COL25A1: variants seen among roughly 807,000 people sequenced by gnomAD.
COL25A1 encodes the protein collagen alpha-1(XXV) chain.
A neutral mutation model predicts 128.4 loss-of-function variants in COL25A1; 103 were observed. That is an observed-to-expected ratio of 0.80 (90% CI 0.68 to 0.94). The LOEUF (loss-of-function observed/expected upper bound fraction) is 0.94, where lower values mean the gene tolerates loss of function less well. COL25A1 is among the 40% of genes least tolerant of loss of function. The probability of loss-of-function intolerance (pLI) is 0.00; values close to 1 mark genes in which losing one functional copy is unlikely to be tolerated. For synonymous variants in COL25A1, 279 were observed against 277.2 expected, an observed-to-expected ratio of 1.01 and a Z score of -0.06; for missense variants, 745 against 840.0, an observed-to-expected ratio of 0.89 and a Z score of 1.40.
intron 3 of COL25A1, among the ~76,000 whole-genome samples, chr4:109,237,590 T>C (rs564533779): frequency 9.6e-6 from 1 of 104,300 alleles, no homozygotes; most frequent in Non-Finnish European, 1.9e-5. Context: ...GCACAGAATG[T>C]ATACTGGTAA....
intron 3 of COL25A1, among the ~76,000 whole-genome samples, chr4:109,138,232 T>C (rs1483833478): frequency 6.6e-6 from 1 of 152,102 alleles, no homozygotes; most frequent in African/African-American, 2.4e-5. Flanking sequence ...TGAGAACACT[T>C]GGTGTTTGGT....
intron 3 of COL25A1, among the ~76,000 whole-genome samples, chr4:109,184,911 T>C (rs1248573378): frequency 1.3e-5 from 2 of 152,164 alleles, no homozygotes; most frequent in African/African-American, 2.4e-5. Context: ...TTAGTAGAGA[T>C]TAAATCTTTC....
At chr4:108,905,908 G>C (rs1743451645) in intron 13 of COL25A1, among the ~76,000 whole-genome samples, 1 of 152,000 alleles carries the variant, frequency 6.6e-6, no homozygotes, top group African/African-American at 2.4e-5. Flanking sequence ...GCTCGGGACA[G>C]AGTGGCTTTT....
intron 11 of COL25A1, among the ~76,000 whole-genome samples, chr4:108,921,263 T>C (rs1021833254): frequency 6.6e-6 from 1 of 152,188 alleles, no homozygotes; most frequent in Non-Finnish European, 1.5e-5. Flanking sequence ...AGAATATTTA[T>C]ACAGCATGGA....
At chr4:109,220,453 C>T (rs1197609690) in intron 3 of COL25A1, among the ~76,000 whole-genome samples, 7 of 152,068 alleles carry the variant, frequency 4.6e-5, no homozygotes, top group Non-Finnish European at 1.5e-5. Flanking sequence ...GGTTTTACAC[C>T]AGACACACTG....
chr4:109,069,290 C>T (rs1276523932), intron 3 of COL25A1, among the ~76,000 whole-genome samples: 1 of 151,676 alleles, frequency 6.6e-6, no homozygotes, highest in East Asian at 1.9e-4. Context: ...TGGCTCACTG[C>T]AGCCTCGACC....
chr4:109,014,196 A>G (rs578205933), intron 5 of COL25A1, among the ~76,000 whole-genome samples: 9 of 151,994 alleles, frequency 5.9e-5, no homozygotes, highest in Non-Finnish European at 1.3e-4. Flanking sequence ...AATTCCACCT[A>G]CTTGGGAGGC....
At chr4:109,133,033 A>G (rs2126071706) in intron 3 of COL25A1, among the ~76,000 whole-genome samples, 1 of 152,188 alleles carries the variant, frequency 6.6e-6, no homozygotes, top group South Asian at 2.1e-4. Flanking sequence ...ATTCTTGTTT[A>G]GAGAAAAAGT....
intron 3 of COL25A1, among the ~76,000 whole-genome samples, chr4:109,179,010 T>C (rs574742925): frequency 6.6e-6 from 1 of 152,210 alleles, no homozygotes; most frequent in South Asian, 2.1e-4. Context: ...TATATTCATT[T>C]AAGCAAATGT....
At chr4:108,954,615 A>C (rs6819658) in intron 8 of COL25A1, among the ~76,000 whole-genome samples, 6,624 of 152,094 alleles carry the variant, frequency 0.044, 368 homozygotes, top group African/African-American at 0.13. Flanking sequence ...CCTTAGGTGC[A>C]ATTTTGAATA....
intron 5 of COL25A1, among the ~76,000 whole-genome samples, chr4:109,022,860 C>T (rs1317838935): frequency 1.3e-5 from 2 of 152,140 alleles, no homozygotes; most frequent in Non-Finnish European, 2.9e-5. Context: ...TGGGGTGTTA[C>T]AGGAAAGGCT....
At chr4:109,152,284 C>T (rs1771578513) in intron 3 of COL25A1, among the ~76,000 whole-genome samples, 1 of 151,998 alleles carries the variant, frequency 6.6e-6, no homozygotes, top group Non-Finnish European at 1.5e-5. Flanking sequence ...AAGTGGAGTT[C>T]AAAAATTATA....
intron 3 of COL25A1, among the ~76,000 whole-genome samples, chr4:109,249,305 A>G (rs959707503): frequency 2.6e-5 from 4 of 152,138 alleles, no homozygotes; most frequent in African/African-American, 7.2e-5. Context: ...TGAAGCCAAG[A>G]TTCATGTGAT....
At chr4:109,137,335 A>T (rs971661013) in intron 3 of COL25A1, among the ~76,000 whole-genome samples, 1 of 152,224 alleles carries the variant, frequency 6.6e-6, no homozygotes, top group Non-Finnish European at 1.5e-5. Context: ...AGCAAACAAC[A>T]CTTTCTGCTA....
intron 11 of COL25A1, among the ~76,000 whole-genome samples, chr4:108,925,342 T>C (rs1182941793): frequency 6.6e-6 from 1 of 151,896 alleles, no homozygotes; most frequent in East Asian, 1.9e-4. Context: ...ATAGTTTAAA[T>C]TGTGTGTGTG....
chr4:109,012,311 C>T (rs1579077316), intron 5 of COL25A1, among the ~76,000 whole-genome samples: 1 of 152,240 alleles, frequency 6.6e-6, no homozygotes, highest in Admixed American at 6.5e-5. Flanking sequence ...TGAGAGGTGA[C>T]AACGTGCTAG....
At position 109,033,061 on chromosome 4, in the gene COL25A1, C is replaced by T. The variant is rs190624709; in HGVS notation, c.420+15107G>A. 2.4e-3 allele frequency among the ~76,000 whole-genome samples: 367 copies of T among 152,326 alleles called. 1 individual carries two copies. Among genetic ancestry groups the T allele is most frequent in the Non-Finnish European group, 3.1e-3 (212 of 68,030 alleles). ...ATAAAGGATGGAAAGCCAGTATGAA[C>T]CTTCAGAAATAAAGTCTGCTAAAGC... On this transcript the variant is annotated intron_variant, in intron 5 of 37. Coordinates refer to ENST00000399132, the MANE Select transcript of COL25A1 (RefSeq NM_198721.4).
At chr4:108,847,565 G>A (rs1735258652) in intron 27 of COL25A1, among the ~76,000 whole-genome samples, 3 of 151,396 alleles carry the variant, frequency 2.0e-5, no homozygotes, top group African/African-American at 7.3e-5. Flanking sequence ...CTTAGTGATA[G>A]AAGAAGACCT....
intron 13 of COL25A1, among the ~76,000 whole-genome samples, chr4:108,914,373 G>C (rs1345996499): frequency 6.6e-6 from 1 of 152,158 alleles, no homozygotes; most frequent in African/African-American, 2.4e-5. Flanking sequence ...AGAGTGTTCT[G>C]ATGCCAGGAC....
Sources: gnomAD v4.1 joint callset for allele counts (sites outside exome capture counted in the v4.1 genomes callset) on GRCh38, gnomAD v4.1.1 for gene constraint, MANE v1.5 for transcripts, NCBI Gene and HGNC (gene_info 2026-07-23, HGNC 2026-07-21) for gene names.